The following WSCD2 variants were observed in gnomAD, a reference collection of about 807,000 sequenced individuals.
The protein encoded by WSCD2 is WSC domain sialate O sulfotransferase 2.
WSCD2 carries 28 observed loss-of-function variants against 55.7 expected under a neutral mutation model. The ratio of observed to expected loss-of-function variants is 0.50; its 90% CI spans 0.37 to 0.69. The LOEUF (loss-of-function observed/expected upper bound fraction) is 0.69. Among genes scored for constraint, WSCD2 ranks in the 30% least tolerant of loss-of-function variants. WSCD2 has a pLI of 0.00. For synonymous variants in WSCD2, 301 were observed against 301.9 expected (o/e 1.00, Z 0.03); for missense variants, 616 against 762.1 (o/e 0.81, Z 2.26).
chr12:108,182,179 C>T (rs1881861469), intron 1 of WSCD2, among the ~76,000 whole-genome samples: 1 of 152,172 alleles, frequency 6.6e-6, no homozygotes, highest in South Asian at 2.1e-4. Context: ...TTCTGTATAT[C>T]GTTGTGTTTC....
At position 108,236,286 on chromosome 12, in the gene WSCD2, G is replaced by A. The variant is rs370141711; in HGVS notation, c.1144+3391G>A. Among the ~76,000 whole-genome samples, 24 of 152,260 alleles carry A rather than the reference G, an allele frequency of 1.6e-4. 1 individual carries two copies. Among genetic ancestry groups the A allele is most frequent in the African/African-American group, 5.8e-4 (24 of 41,556 alleles). On this transcript the variant is annotated intron_variant, in intron 7 of 8. Transcript: ENST00000547525. ...ATGGGTGGTCTCCCAGACCCTCCTA[G>A]GCCTGACAGGCTGCCTGACATTTTC...
chr12:108,183,168 C>T (rs530279071), intron 1 of WSCD2, among the ~76,000 whole-genome samples: 2 of 152,318 alleles, frequency 1.3e-5, no homozygotes, highest in African/African-American at 4.8e-5. Flanking sequence ...CGTGACTTTT[C>T]AAGACAGGTG....
intron 1 of WSCD2, chr12:108,189,309 G>A (rs908645948): frequency 6.6e-6 from 1 of 152,164 alleles, no homozygotes; most frequent in Admixed American, 6.5e-5. Context: ...TACAGAGGGT[G>A]GTTGAGGCTA....
rs766466339 is a variant in WSCD2, at chr12:108,227,018, C to A, written c.833C>A (p.Thr278Asn). Reference sequence around the variant, plus strand: ...TACCCGCTGGCAGCTCTTGCAGGCACCGCCTGCCACTGTGGGTTTCCCACC... The same window carrying A: ...TACCCGCTGGCAGCTCTTGCAGGCAACGCCTGCCACTGTGGGTTTCCCACC... ...KEYPLAALAG[T>N]ACHCGFPTTR... Residue 278 changes from threonine (T) to asparagine (N), a missense_variant, in exon 6 of 9, where the codon ACC (threonine) becomes AAC (asparagine). Physicochemically the swap from Thr to Asn is moderately conservative, Grantham distance 65 (BLOSUM62 0). Coordinates refer to ENST00000547525, the MANE Select transcript of WSCD2 (RefSeq NM_014653.4). 24 of 1,614,092 alleles carry A rather than the reference C, an allele frequency of 1.5e-5. No individual in the cohort carries two copies. The Admixed American group carries it at 2.2e-4, about 15-fold the overall frequency.
Position 108,248,937 on chromosome 12 carries a change from C to T in WSCD2, c.*594C>T. The T allele has an allele frequency of 4.1e-6, 4 of 986,054 alleles. No homozygotes were observed. The highest frequency in any genetic ancestry group is 4.8e-6 in the Non-Finnish European group (4 of 829,916). 61.1% of individuals were successfully genotyped at this position (986,054 alleles called of 1,614,324 possible). The stretch of plus-strand genomic sequence containing the variant: ...TAGTGTGGGGAGGTAATGGTGCTCA[C>T]AGTAGGTTAATTGGAGACACCATGT... On this transcript the variant is annotated 3_prime_UTR_variant, in exon 9 of 9. Coordinates refer to ENST00000547525, the MANE Select transcript of WSCD2 (RefSeq NM_014653.4). This position sits in a 1 kb window ranked among gnomAD's most constrained non-coding sequence, Gnocchi z 4.3.
At chr12:108,237,093 C>A (rs1252374725) in intron 7 of WSCD2, among the ~76,000 whole-genome samples, 2 of 152,204 alleles carry the variant, frequency 1.3e-5, no homozygotes, top group Non-Finnish European at 1.5e-5. Flanking sequence ...ATCCCAGTGT[C>A]CTGGAGAACC....
At chr12:108,140,873 A>T (rs1301053407) in intron 1 of WSCD2, among the ~76,000 whole-genome samples, 1 of 152,206 alleles carries the variant, frequency 6.6e-6, no homozygotes, top group Non-Finnish European at 1.5e-5. Flanking sequence ...ATCGTGGCAG[A>T]GCTGGGACTA....
chr12:108,159,797 G>A (rs932663178), intron 1 of WSCD2, among the ~76,000 whole-genome samples: 14 of 152,210 alleles, frequency 9.2e-5, no homozygotes, highest in African/African-American at 2.7e-4. Flanking sequence ...GAATGCAGGC[G>A]TGGGAGGACG....
At position 108,250,042 on chromosome 12, in the gene WSCD2, C is replaced by G. The variant is rs1890344934; in HGVS notation, c.*1699C>G. ...CTGGGTCAGTTCTTTGCTGGTGGTC[C>G]CCTCTGACCACAAGCTTCTGCCTGA... is the stretch of plus-strand genomic sequence containing the variant. On this transcript the variant is annotated 3_prime_UTR_variant, in exon 9 of 9. Coordinates refer to ENST00000547525, the MANE Select transcript of WSCD2 (RefSeq NM_014653.4). The G allele has an allele frequency of 6.6e-6, 1 of 152,398 alleles. No homozygotes were observed. Among genetic ancestry groups the G allele is most frequent in the Admixed American group, 6.5e-5 (1 of 15,282 alleles). The allele number at this position is 152,398 out of a possible 1,614,324, so 9.4% of individuals were successfully genotyped here. A position where few individuals can be genotyped will look rare whatever the true frequency, so the allele number is the denominator to read the frequency against.
chr12:108,203,157 C>G (rs1260873831), intron 2 of WSCD2, among the ~76,000 whole-genome samples: 1 of 152,242 alleles, frequency 6.6e-6, no homozygotes, highest in Admixed American at 6.5e-5. Flanking sequence ...TAGTGCTCCC[C>G]CTACCCTGGT....
chr12:108,157,524 C>A (rs906097291), intron 1 of WSCD2, among the ~76,000 whole-genome samples: 3 of 152,134 alleles, frequency 2.0e-5, no homozygotes, highest in African/African-American at 7.2e-5. Context: ...ATCTTTTTAC[C>A]CTTTCCACAG....
intron 8 of WSCD2, 80 bp downstream of exon 8, chr12:108,240,624 C>T: frequency 6.2e-6 from 9 of 1,452,292 alleles, no homozygotes; most frequent in Non-Finnish European, 8.3e-6. Context: ...GTGCTCCGGA[C>T]CAGCGTGACC....
At chr12:108,182,580 G>C (rs553788786) in intron 1 of WSCD2, among the ~76,000 whole-genome samples, 11 of 152,222 alleles carry the variant, frequency 7.2e-5, no homozygotes, top group Middle Eastern at 3.2e-3. Flanking sequence ...AGAAAAGCAA[G>C]CTGGAGGGGA....
intron 1 of WSCD2, among the ~76,000 whole-genome samples, chr12:108,180,289 A>C (rs928964296): frequency 6.6e-6 from 1 of 152,222 alleles, no homozygotes; most frequent in Non-Finnish European, 1.5e-5. Context: ...TGTTAACTGA[A>C]GATATAAAAA....
intron 4 of WSCD2, among the ~76,000 whole-genome samples, chr12:108,214,992 T>A (rs1886658031): frequency 6.6e-6 from 1 of 152,232 alleles, no homozygotes; most frequent in Admixed American, 6.5e-5. Context: ...AACCCTCAGA[T>A]GATTAGGGGA....
chr12:108,192,219 C>A (rs753676466), intron 1 of WSCD2, among the ~76,000 whole-genome samples: 11 of 152,166 alleles, frequency 7.2e-5, no homozygotes, highest in Non-Finnish European at 1.5e-4. Context: ...ATCAGGTATT[C>A]CTCCTACAAT....
chr12:108,197,693 C>A (rs192002436), intron 2 of WSCD2, among the ~76,000 whole-genome samples: 3 of 152,060 alleles, frequency 2.0e-5, no homozygotes, highest in African/African-American at 7.2e-5. Flanking sequence ...TGCTACACCC[C>A]AGCCACTCCA....
chr12:108,216,632 A>G (rs1449524844), intron 4 of WSCD2, among the ~76,000 whole-genome samples: 1 of 152,254 alleles, frequency 6.6e-6, no homozygotes, highest in African/African-American at 2.4e-5. Context: ...GGGACTAGAA[A>G]GGTTAGATGG....
intron 1 of WSCD2, among the ~76,000 whole-genome samples, chr12:108,169,225 A>G (rs899494139): frequency 1.3e-5 from 2 of 152,214 alleles, no homozygotes; most frequent in Non-Finnish European, 1.5e-5. Context: ...CTGATTCTAC[A>G]TTGTGGTGAA....
Sources: gnomAD v4.1 joint callset for allele counts (sites outside exome capture counted in the v4.1 genomes callset) on GRCh38, gnomAD v4.1.1 for gene constraint, Gnocchi (gnomAD v3.1) non-coding constraint, MANE v1.5 for transcripts, NCBI Gene and HGNC (gene_info 2026-07-23, HGNC 2026-07-21) for gene names.